The following METTL9 variants were observed in gnomAD, a reference collection of about 807,000 sequenced individuals.
METTL9 encodes the protein protein-L-histidine N-pros-methyltransferase.
Under a neutral mutation model 36.0 loss-of-function variants are expected in METTL9, and 10 were observed. The ratio of observed to expected loss-of-function variants is 0.28; its 90% CI spans 0.17 to 0.47. The LOEUF (loss-of-function observed/expected upper bound fraction) is 0.47, where lower values mean the gene tolerates loss of function less well. Among genes scored for constraint, METTL9 ranks in the 20% least tolerant of loss-of-function variants. The probability of loss-of-function intolerance (pLI) is 0.99; values close to 1 mark genes in which losing one functional copy is unlikely to be tolerated. For synonymous variants in METTL9, 175 were observed against 149.7 expected (o/e 1.17, Z -1.23); for missense variants, 246 against 383.5 (o/e 0.64, Z 3.00).
intron 4 of METTL9, chr16:21,643,152 C>T: frequency 6.2e-7 from 1 of 1,601,910 alleles, no homozygotes; most frequent in Non-Finnish European, 8.5e-7. Context: ...GAGCACTCTT[C>T]TTCTATAAAG....
At chr16:21,624,655 A>G (rs1313522717) in intron 3 of METTL9, among the ~76,000 whole-genome samples, 1 of 151,914 alleles carries the variant, frequency 6.6e-6, no homozygotes, top group Non-Finnish European at 1.5e-5. Context: ...TGAACCTGGG[A>G]GGCAGAGGTT....
In METTL9 at chr16:21,603,574, C is replaced by G. The variant is rs113898417; in HGVS notation, c.165+3676C>G. 7.5e-3 allele frequency among the ~76,000 whole-genome samples: 1,146 copies of G among 152,240 alleles called. 12 individuals are homozygous for G. The highest frequency in any genetic ancestry group is 0.037 in the South Asian group (177 of 4,828). On this transcript the variant is annotated intron_variant, in intron 1 of 4. Coordinates refer to ENST00000358154, the MANE Select transcript of METTL9 (RefSeq NM_016025.5). ...GCAGACTCAGAATTTAAAAAGACAA[C>G]AACAAAAAACTTAGGATCTATTCTT...
intron 1 of METTL9, among the ~76,000 whole-genome samples, chr16:21,608,906 G>A (rs1313457013): frequency 6.6e-6 from 1 of 152,196 alleles, no homozygotes; most frequent in East Asian, 1.9e-4. Context: ...GTAGAGTTAA[G>A]TGAAGAGAAG....
chr16:21,644,316 A>G, intron 4 of METTL9: 2 of 1,613,760 alleles, frequency 1.2e-6, no homozygotes, highest in South Asian at 1.1e-5. Flanking sequence ...AAGGCCACGC[A>G]CACACCGGTC....
chr16:21,647,483 C>G lies in METTL9; in HGVS notation c.752-7744C>G. ...TTGTGTGACAGAGAGAGTACAGGCGCCCACAGCACCTGTGGGAGGAAGCAG... is the reference window on the plus strand; with the variant it reads ...TTGTGTGACAGAGAGAGTACAGGCGGCCACAGCACCTGTGGGAGGAAGCAG... On this transcript the variant is annotated intron_variant, in intron 4 of 4. Coordinates refer to ENST00000358154, the MANE Select transcript of METTL9 (RefSeq NM_016025.5). 16 of 1,609,488 alleles carry G rather than the reference C, an allele frequency of 9.9e-6. 1 individual carries two copies. Among genetic ancestry groups the G allele is most frequent in the Non-Finnish European group, 1.4e-5 (16 of 1,176,276 alleles).
chr16:21,623,519 T>G (rs1321492990), intron 3 of METTL9, among the ~76,000 whole-genome samples: 2 of 152,152 alleles, frequency 1.3e-5, no homozygotes, highest in African/African-American at 4.8e-5. Flanking sequence ...ACCTACCACA[T>G]TCTGATTGGT....
At chr16:21,612,451 C>G (rs1965446787) in intron 1 of METTL9, among the ~76,000 whole-genome samples, 194 bp from the exon 2 acceptor site, 1 of 152,016 alleles carries the variant, frequency 6.6e-6, no homozygotes, top group Non-Finnish European at 1.5e-5. Flanking sequence ...AATGAGAAGT[C>G]ATGTCTGAAG....
At chr16:21,599,343 C>T (rs1965027774), upstream of METTL9, 3 of 952,828 alleles carry the variant, frequency 3.1e-6, no homozygotes, top group Non-Finnish European at 3.8e-6. This position sits in a 1 kb window ranked among gnomAD's most constrained non-coding sequence, Gnocchi z 4.4. Flanking sequence ...AAAACCACCT[C>T]CGCCATTTAC....
intron 4 of METTL9, among the ~76,000 whole-genome samples, chr16:21,644,791 A>T (rs1464073315): frequency 6.6e-6 from 1 of 152,212 alleles, no homozygotes; most frequent in East Asian, 1.9e-4. Context: ...CTATGTGGTT[A>T]AGATATTTTC....
At chr16:21,600,354 C>G (rs1965086949) in intron 1 of METTL9, among the ~76,000 whole-genome samples, 1 of 152,080 alleles carries the variant, frequency 6.6e-6, no homozygotes, top group African/African-American at 2.4e-5. Flanking sequence ...TCGTTGAATC[C>G]CAGAACGTAC....
At chr16:21,632,536 C>T (rs547426505) in intron 4 of METTL9, among the ~76,000 whole-genome samples, 1 of 152,118 alleles carries the variant, frequency 6.6e-6, no homozygotes, top group African/African-American at 2.4e-5. Flanking sequence ...TAGTCATGCT[C>T]GATTGGTTCC....
chr16:21,603,692 A>T (rs1965199997), intron 1 of METTL9, among the ~76,000 whole-genome samples: 1 of 152,170 alleles, frequency 6.6e-6, no homozygotes, highest in African/African-American at 2.4e-5. Context: ...GTTCTTGGTA[A>T]TAATAGCGGT....
At chr16:21,617,790 A>G in intron 2 of METTL9, 75 bp from the exon 3 acceptor site, 1 of 1,284,098 alleles carries the variant, frequency 7.8e-7, no homozygotes, top group South Asian at 1.2e-5. Flanking sequence ...GAGTCACTAT[A>G]TTCACTTTGT....
chr16:21,642,334 A>G (rs1966294159), intron 4 of METTL9: 1 of 152,242 alleles, frequency 6.6e-6, no homozygotes, highest in Non-Finnish European at 1.5e-5. Flanking sequence ...TTGGAATGAT[A>G]CAGAGAAGAT....
At chr16:21,637,173 C>T (rs1222583029) in intron 4 of METTL9, among the ~76,000 whole-genome samples, 2 of 152,174 alleles carry the variant, frequency 1.3e-5, no homozygotes, top group Non-Finnish European at 2.9e-5. Context: ...CCTTATCTGG[C>T]CCCACCAACA....
intron 4 of METTL9, among the ~76,000 whole-genome samples, chr16:21,638,065 C>T (rs1256326009): frequency 6.6e-6 from 1 of 152,160 alleles, no homozygotes; most frequent in Admixed American, 6.5e-5. Flanking sequence ...TGCCTGTAAT[C>T]CTAGCATTTT....
intron 4 of METTL9, chr16:21,647,278 C>T (rs1567347042): frequency 1.9e-6 from 3 of 1,614,162 alleles, no homozygotes; most frequent in African/African-American, 1.3e-5. Context: ...CTTTGAGGGC[C>T]TCCCTCACTG....
chr16:21,618,853 A>G (rs933029768), intron 3 of METTL9, among the ~76,000 whole-genome samples: 2 of 152,062 alleles, frequency 1.3e-5, no homozygotes, highest in African/African-American at 2.4e-5. Context: ...AGCTGGGATT[A>G]CAGGCATATG....
intron 4 of METTL9, among the ~76,000 whole-genome samples, chr16:21,634,055 T>C (rs1282709820): frequency 1.3e-5 from 2 of 152,192 alleles, no homozygotes; most frequent in African/African-American, 4.8e-5. Context: ...ACTTTCAGGC[T>C]TAACAAGAAA....
Sources: gnomAD v4.1 joint callset for allele counts (sites outside exome capture counted in the v4.1 genomes callset) on GRCh38, gnomAD v4.1.1 for gene constraint, Gnocchi (gnomAD v3.1) non-coding constraint, MANE v1.5 for transcripts, NCBI Gene and HGNC (gene_info 2026-07-23, HGNC 2026-07-21) for gene names.